Variants in FAM13B observed in about 807,000 individuals in gnomAD.
The protein encoded by FAM13B is family with sequence similarity 13 member B.
In FAM13B, 60 loss-of-function variants were observed where a neutral mutation model predicts 117.3. The observed-to-expected ratio is 0.51, with a 90% CI of 0.42 to 0.63. The LOEUF is 0.63. FAM13B is among the 30% of genes least tolerant of loss of function. FAM13B has a pLI of 0.00. For missense variants in FAM13B, 972 were observed against 1,091.9 expected (o/e 0.89, Z 1.55); for synonymous variants, 332 against 356.1 (o/e 0.93, Z 0.76).
chr5:138,034,307 T>C (rs1473484658), upstream of FAM13B, among the ~76,000 whole-genome samples: 1 of 152,238 alleles, frequency 6.6e-6, no homozygotes, highest in Non-Finnish European at 1.5e-5. Flanking sequence ...GAATGCTTAC[T>C]ATGTTCTAGT....
chr5:138,036,847 G>GTT, upstream of FAM13B: 2 of 324,726 alleles, frequency 6.2e-6, no homozygotes, highest in South Asian at 2.5e-5. Context: ...GACATTTTTG[G>GTT]TTTTTTTTTA....
chr5:137,948,451 G>C (rs1033981925), intron 18 of FAM13B, among the ~76,000 whole-genome samples: 16 of 151,990 alleles, frequency 1.1e-4, no homozygotes, highest in Non-Finnish European at 2.1e-4. Flanking sequence ...TGTCATCCAG[G>C]CTGGAGGCAC....
intron 6 of FAM13B, among the ~76,000 whole-genome samples, 176 bp downstream of exon 6, chr5:138,010,829 ATGT>A (rs1422256299): frequency 1.3e-5 from 2 of 152,056 alleles, no homozygotes; most frequent in Admixed American, 1.3e-4. Context: ...GGAGGACAGG[ATGT>A]TGTTCAGGAA....
In FAM13B at chr5:137,939,750, C is replaced by CA. The variant is rs1554112646; in HGVS notation, c.*474dup. On this transcript the variant is annotated 3_prime_UTR_variant, in exon 24 of 24. Transcript: ENST00000689681. ...TGGTTTTCTAGGAAAACAGAGAACA[C>CA]AGTTGCGTATGTGCACTTTTATAGG... 7 of 613,834 alleles carry CA rather than the reference C, an allele frequency of 1.1e-5. No individual in the cohort carries two copies. The highest frequency in any genetic ancestry group is 1.1e-5 in the Non-Finnish European group (5 of 466,852). The allele number at this position is 613,834 out of a possible 1,614,324, so 38.0% of individuals were successfully genotyped here. A position where few individuals can be genotyped will look rare whatever the true frequency, so the allele number is the denominator to read the frequency against.
intron 10 of FAM13B, among the ~76,000 whole-genome samples, chr5:137,981,228 G>A (rs1349809569): frequency 6.6e-6 from 1 of 151,840 alleles, no homozygotes; most frequent in Non-Finnish European, 1.5e-5. Flanking sequence ...ATGAGCCACT[G>A]TGAGTAGCCC....
At chr5:138,005,933 C>G (rs1782435447) in intron 7 of FAM13B, among the ~76,000 whole-genome samples, 1 of 148,238 alleles carries the variant, frequency 6.7e-6, no homozygotes, top group African/African-American at 2.5e-5. Flanking sequence ...GAGTTTTGCT[C>G]TGTCGCCCAG....
At chr5:137,980,371 G>T (rs1775349153) in intron 10 of FAM13B, among the ~76,000 whole-genome samples, 1 of 151,248 alleles carries the variant, frequency 6.6e-6, no homozygotes, top group Non-Finnish European at 1.5e-5. Context: ...ATTCATAAAG[G>T]TTTCCTAAAA....
intron 1 of FAM13B, among the ~76,000 whole-genome samples, chr5:138,030,245 G>C (rs1789538049): frequency 6.6e-6 from 1 of 151,888 alleles, no homozygotes. Context: ...ATTCATCACA[G>C]GTTTCTTGTT....
At chr5:137,953,241 C>G in intron 16 of FAM13B, 95 bp downstream of exon 16, 1 of 1,354,834 alleles carries the variant, frequency 7.4e-7, no homozygotes, top group Non-Finnish European at 1.0e-6. Context: ...GATTTGTTAC[C>G]TTTCTCACAC....
At chr5:138,038,900 TA>T (rs1791382070) in intron 1 of FAM13B, among the ~76,000 whole-genome samples, 1 of 152,220 alleles carries the variant, frequency 6.6e-6, no homozygotes, top group Admixed American at 6.5e-5. Context: ...TCATCTTACA[TA>T]TCTCTGGAAT....
At chr5:138,018,911 T>C (rs1163790949) in intron 3 of FAM13B, 44 bp downstream of exon 3, 2 of 1,505,384 alleles carry the variant, frequency 1.3e-6, no homozygotes, top group African/African-American at 1.4e-5. Flanking sequence ...GTAAGTTGTG[T>C]TTATTAAAAC....
Position 137,950,880 on chromosome 5 carries a change from G to C in FAM13B, c.1931-1696C>G, listed in dbSNP as rs534842044. On this transcript the variant is annotated intron_variant, in intron 17 of 23. Transcript: ENST00000689681. ...GGAAATCTTTAACAGAAGTATAGGG[G>C]AAAATTAAGTGATACTCTAAAGAGG... Among the ~76,000 whole-genome samples, 59 of 152,256 alleles carry C rather than the reference G, an allele frequency of 3.9e-4. 1 individual carries two copies. Among genetic ancestry groups the C allele is most frequent in the Middle Eastern group, 3.4e-3 (1 of 294 alleles).
chr5:138,010,982 TA>T, intron 6 of FAM13B, 25 bp downstream of exon 6: 1 of 1,275,162 alleles, frequency 7.8e-7, no homozygotes, highest in South Asian at 1.9e-5. Flanking sequence ...AAAAAAAAAT[TA>T]TCCCTCCAAA....
intron 7 of FAM13B, among the ~76,000 whole-genome samples, chr5:138,003,288 G>A (rs980836019): frequency 7.2e-5 from 11 of 151,976 alleles, no homozygotes; most frequent in African/African-American, 2.7e-4. Flanking sequence ...TTCAAGAGAA[G>A]AGTTAAATTA....
At chr5:137,960,098 A>T in intron 12 of FAM13B, 68 bp downstream of exon 12, 1 of 954,766 alleles carries the variant, frequency 1.0e-6, no homozygotes, top group Non-Finnish European at 1.6e-6. Context: ...AACCCACATT[A>T]AAGACCAGAC....
rs528836221 is a variant in FAM13B at position 137,969,901 on chromosome 5, G to A, written c.1180-7432C>T. Among the ~76,000 whole-genome samples, 606 of 152,160 alleles carry A rather than the reference G, an allele frequency of 4.0e-3. 2 individuals are homozygous for A. The highest frequency in any genetic ancestry group is 4.5e-3 in the Non-Finnish European group (304 of 68,018). On this transcript the variant is annotated intron_variant, in intron 10 of 23. Coordinates refer to ENST00000689681, the MANE Select transcript of FAM13B (RefSeq NM_001385994.1). Reference sequence around the variant, plus strand: ...TGAATGAAATGAAGCGAGAAGGGAAGTTTAGAGAAAAAAGAATAAAAAGAA... The same window carrying A: ...TGAATGAAATGAAGCGAGAAGGGAAATTTAGAGAAAAAAGAATAAAAAGAA...
At chr5:137,983,844 C>A (rs1185921937) in intron 10 of FAM13B, among the ~76,000 whole-genome samples, 1 of 152,126 alleles carries the variant, frequency 6.6e-6, no homozygotes, top group Non-Finnish European at 1.5e-5. Flanking sequence ...TGGCCAAAGT[C>A]ACACTGATAC....
intron 17 of FAM13B, among the ~76,000 whole-genome samples, chr5:137,951,016 TG>T (rs1256180561): frequency 1.3e-5 from 2 of 152,116 alleles, no homozygotes; most frequent in East Asian, 3.9e-4. Context: ...GAGACCAGCC[TG>T]GGCAACATGG....
At chr5:137,941,542 C>A (rs1761838668) in intron 23 of FAM13B, among the ~76,000 whole-genome samples, 1 of 152,198 alleles carries the variant, frequency 6.6e-6, no homozygotes, top group African/African-American at 2.4e-5. Context: ...GCAACCTCAA[C>A]ACACAGTATG....
Sources: allele counts gnomAD v4.1 joint callset (sites outside exome capture counted in the v4.1 genomes callset), GRCh38; gene constraint gnomAD v4.1.1; transcripts MANE v1.5; gene names NCBI Gene and HGNC (gene_info 2026-07-23, HGNC 2026-07-21).